Variants in CADM2 observed in about 807,000 individuals in gnomAD.
CADM2 encodes cell adhesion molecule 2.
A neutral mutation model predicts 49.8 loss-of-function variants in CADM2; 12 were observed. That is an observed-to-expected ratio of 0.24 (90% CI 0.15 to 0.39). The LOEUF is 0.39. CADM2 is among the 10% of genes least tolerant of loss of function. The pLI, the probability that CADM2 is intolerant of heterozygous loss-of-function variation, is 1.00. For synonymous variants in CADM2, 214 were observed against 175.4 expected, an observed-to-expected ratio of 1.22 and a Z score of -1.74; for missense variants, 378 against 492.3, an observed-to-expected ratio of 0.77 and a Z score of 2.20.
At chr3:85,295,219 T>C (rs1223959326) in intron 1 of CADM2, among the ~76,000 whole-genome samples, 1 of 152,050 alleles carries the variant, frequency 6.6e-6, no homozygotes, top group Non-Finnish European at 1.5e-5. Flanking sequence ...ATCAGAGAAA[T>C]GCAAATCAAA....
At chr3:85,747,469 T>C (rs1368523479) in intron 2 of CADM2, among the ~76,000 whole-genome samples, 1 of 152,106 alleles carries the variant, frequency 6.6e-6, no homozygotes, top group Non-Finnish European at 1.5e-5. Flanking sequence ...GTAAATAAGA[T>C]ACTTGTAGTA....
chr3:85,125,375 GTT>G (rs1003042188), intron 1 of CADM2, among the ~76,000 whole-genome samples: 2 of 146,376 alleles, frequency 1.4e-5, no homozygotes, highest in Non-Finnish European at 3.0e-5. Context: ...TTAGATTTTT[GTT>G]TTTTTTTTTG....
At chr3:86,041,178 G>A (rs980496989) in intron 8 of CADM2, among the ~76,000 whole-genome samples, 1 of 152,086 alleles carries the variant, frequency 6.6e-6, no homozygotes, top group Non-Finnish European at 1.5e-5. Context: ...ATGAACTAAC[G>A]AGCAAAATAA....
At chr3:84,995,025 G>A (rs1017367712) in intron 1 of CADM2, among the ~76,000 whole-genome samples, 4 of 152,080 alleles carry the variant, frequency 2.6e-5, no homozygotes, top group Non-Finnish European at 4.4e-5. Flanking sequence ...GTGAGACTCT[G>A]TCTCAAAAAA....
intron 8 of CADM2, among the ~76,000 whole-genome samples, chr3:86,006,737 G>T (rs975116712): frequency 2.0e-5 from 3 of 152,008 alleles, no homozygotes; most frequent in Admixed American, 1.3e-4. Context: ...AGAGCACTGG[G>T]TCTTACTAAT....
intron 1 of CADM2, among the ~76,000 whole-genome samples, chr3:85,168,951 A>C (rs1366881540): frequency 6.6e-6 from 1 of 151,696 alleles, no homozygotes; most frequent in Non-Finnish European, 1.5e-5. Flanking sequence ...AGATTTATTT[A>C]TTTATTTATT....
chr3:85,123,674 A>T (rs2038937114), intron 1 of CADM2, among the ~76,000 whole-genome samples: 1 of 152,138 alleles, frequency 6.6e-6, no homozygotes, highest in African/African-American at 2.4e-5. Context: ...AAATTGTTTA[A>T]TTAAACATAT....
intron 1 of CADM2, among the ~76,000 whole-genome samples, chr3:85,617,249 G>T (rs2063825258): frequency 6.6e-6 from 1 of 152,110 alleles, no homozygotes; most frequent in Non-Finnish European, 1.5e-5. Flanking sequence ...CTGGCCTCAA[G>T]TTGGGGTTCC....
chr3:85,478,165 C>A (rs1576626595), intron 1 of CADM2, among the ~76,000 whole-genome samples: 1 of 151,974 alleles, frequency 6.6e-6, no homozygotes, highest in Admixed American at 6.6e-5. Flanking sequence ...TTTGATAAGG[C>A]TTTCCCACAG....
chr3:85,457,308 G>A (rs1349445210), intron 1 of CADM2, among the ~76,000 whole-genome samples: 1 of 151,880 alleles, frequency 6.6e-6, no homozygotes, highest in Non-Finnish European at 1.5e-5. Flanking sequence ...AGCAACTCAG[G>A]AGCCTAAGGC....
At chr3:85,305,620 G>T (rs980573314) in intron 1 of CADM2, among the ~76,000 whole-genome samples, 2 of 151,424 alleles carry the variant, frequency 1.3e-5, no homozygotes, top group East Asian at 3.9e-4. Context: ...TTGCAAAATG[G>T]GTTGACATTA....
Position 85,275,390 on chromosome 3 carries a change from G to T in CADM2, c.61+315722G>T, listed in dbSNP as rs143374783. Among the ~76,000 whole-genome samples the T allele has an allele frequency of 3.0e-3, 460 of 151,474 alleles. 25 individuals carry two copies. The East Asian group carries it at 0.072, about 24-fold the overall frequency. ...TTATGCTGGGCATCCCGCTGTTTAT[G>T]ATTCATTGTAGATTTGTTTTGAAAT... On this transcript the variant is annotated intron_variant, in intron 1 of 9. Coordinates refer to ENST00000383699, the MANE Select transcript of CADM2 (RefSeq NM_001167675.2).
At chr3:85,547,378 C>G (rs1348772576) in intron 1 of CADM2, among the ~76,000 whole-genome samples, 1 of 152,112 alleles carries the variant, frequency 6.6e-6, no homozygotes, top group South Asian at 2.1e-4. Context: ...AGTGAATTAT[C>G]CAAATAATTA....
chr3:85,076,914 G>C (rs2036967646), intron 1 of CADM2, among the ~76,000 whole-genome samples: 1 of 152,168 alleles, frequency 6.6e-6, no homozygotes, highest in Admixed American at 6.5e-5. Context: ...GGAGGTTGCA[G>C]TGAGACAAGA....
chr3:85,213,449 G>T (rs943365846), intron 1 of CADM2, among the ~76,000 whole-genome samples: 12 of 152,002 alleles, frequency 7.9e-5, no homozygotes, highest in African/African-American at 2.9e-4. Context: ...AGACATAGTG[G>T]AGCTCCTTTG....
At chr3:85,141,396 G>T (rs1373014211) in intron 1 of CADM2, among the ~76,000 whole-genome samples, 1 of 152,130 alleles carries the variant, frequency 6.6e-6, no homozygotes, top group Non-Finnish European at 1.5e-5. Context: ...ACAGGGTGTG[G>T]CATATGGGAA....
intron 1 of CADM2, among the ~76,000 whole-genome samples, chr3:85,690,203 G>T (rs1304695070): frequency 2.0e-5 from 3 of 152,168 alleles, no homozygotes; most frequent in Non-Finnish European, 4.4e-5. Context: ...TCAGTGACTT[G>T]CCTGCATGGG....
At chr3:85,421,713 C>T (rs910029617) in intron 1 of CADM2, among the ~76,000 whole-genome samples, 4 of 152,172 alleles carry the variant, frequency 2.6e-5, no homozygotes, top group Non-Finnish European at 4.4e-5. Context: ...ACCATATTTA[C>T]TCACATATTG....
intron 8 of CADM2, among the ~76,000 whole-genome samples, chr3:86,016,873 G>A (rs1009337945): frequency 5.9e-5 from 9 of 152,096 alleles, no homozygotes; most frequent in Admixed American, 2.6e-4. Context: ...TCAATGAGGG[G>A]TTTAAAACAA....
Sources: gnomAD v4.1 joint callset for allele counts (sites outside exome capture counted in the v4.1 genomes callset) on GRCh38, gnomAD v4.1.1 for gene constraint, MANE v1.5 for transcripts, NCBI Gene and HGNC (gene_info 2026-07-23, HGNC 2026-07-21) for gene names.